The following NUP214 variants were observed in gnomAD, a reference collection of about 807,000 sequenced individuals.
NUP214 encodes nuclear pore complex protein Nup214.
Under a neutral mutation model 196.2 loss-of-function variants are expected in NUP214, and 79 were observed. That is an observed-to-expected ratio of 0.40 (90% CI 0.34 to 0.49). The LOEUF is 0.49. Among genes scored for constraint, NUP214 ranks in the 20% least tolerant of loss-of-function variants. The pLI is 0.58. For missense variants in NUP214, 2,468 were observed against 2,539.0 expected (o/e 0.97, Z 0.60); for synonymous variants, 1,020 against 990.5 (o/e 1.03, Z -0.56).
At chr9:131,227,988 G>GGC (rs1161378069) in intron 32 of NUP214, among the ~76,000 whole-genome samples, 172 bp from the exon 33 acceptor site, 20 of 148,182 alleles carry the variant, frequency 1.3e-4, no homozygotes, top group African/African-American at 4.9e-4. Flanking sequence ...AGAAGGGCGG[G>GGC]GGGGAGGGGG....
chr9:131,222,633 G>A (rs1834593582), intron 31 of NUP214, 145 bp from the exon 32 acceptor site: 2 of 832,272 alleles, frequency 2.4e-6, no homozygotes. Context: ...ACCTGTTGCT[G>A]TCACTGTCGC....
intron 30 of NUP214, among the ~76,000 whole-genome samples, chr9:131,212,875 G>A (rs947725668): frequency 3.9e-5 from 6 of 152,168 alleles, no homozygotes; most frequent in Non-Finnish European, 8.8e-5. Flanking sequence ...GTACTTGGGG[G>A]TAAAGACAAA....
rs530299823 is a variant in NUP214, at chr9:131,161,858, C to T, written c.2541-1133C>T. On this transcript the variant is annotated intron_variant, in intron 18 of 35. Coordinates refer to ENST00000359428, the MANE Select transcript of NUP214 (RefSeq NM_005085.4). Reference sequence around the variant, plus strand: ...TGACATCACCTATTACACACCTAGGCGCTTATGGTGTATAGCCTGTTGCTC... The same window carrying T: ...TGACATCACCTATTACACACCTAGGTGCTTATGGTGTATAGCCTGTTGCTC... Among the ~76,000 whole-genome samples the T allele has an allele frequency of 6.6e-5, 10 of 152,310 alleles. No homozygotes were observed. The South Asian group carries it at 1.7e-3, about 25-fold the overall frequency.
intron 26 of NUP214, chr9:131,191,818 T>G (rs1013372828): frequency 6.5e-6 from 1 of 154,752 alleles, no homozygotes; most frequent in African/African-American, 2.4e-5. Flanking sequence ...AGCTACATTA[T>G]ATATAGTTTT....
At chr9:131,134,379 A>G (rs573367536) in intron 7 of NUP214, among the ~76,000 whole-genome samples, 4 of 152,342 alleles carry the variant, frequency 2.6e-5, no homozygotes, top group South Asian at 4.1e-4. Context: ...AGGGAGGCCA[A>G]TTTGATACTT....
chr9:131,213,805 G>GAAAAA (rs34775627), intron 30 of NUP214, among the ~76,000 whole-genome samples: 1 of 150,730 alleles, frequency 6.6e-6, no homozygotes. Context: ...TTTAAAGGGG[G>GAAAAA]AAAAAAAAGA....
At chr9:131,150,100 G>A (rs1401568696) in intron 14 of NUP214, 2 of 455,608 alleles carry the variant, frequency 4.4e-6, no homozygotes, top group East Asian at 3.3e-5. Flanking sequence ...CCCAGTAGGA[G>A]GTAAGTTCCA....
At chr9:131,216,224 T>C (rs569906238) in intron 31 of NUP214, among the ~76,000 whole-genome samples, 3 of 148,622 alleles carry the variant, frequency 2.0e-5, no homozygotes, top group South Asian at 2.2e-4. Flanking sequence ...TTTTTTTTTT[T>C]TTTTTCTTTT....
Position 131,232,382 on chromosome 9 carries a change from G to A in NUP214, c.6239+74G>A. ...AGGTTGGAAGTGTGTGGATCTTGCT[G>A]GATTTGTGCATTTTCTTTTCGTTTT... On this transcript the variant is annotated intron_variant, in intron 35 of 35. Coordinates refer to ENST00000359428, the MANE Select transcript of NUP214 (RefSeq NM_005085.4). The surrounding 1 kb of genome is among the most constrained non-coding windows in gnomAD (Gnocchi z 5.1). 1.4e-6 allele frequency: 2 copies of A among 1,444,760 alleles called. No individual in the cohort carries two copies. The highest frequency in any genetic ancestry group is 2.0e-6 in the Non-Finnish European group (2 of 1,025,552). 89.5% of individuals were successfully genotyped at this position (1,444,760 alleles called of 1,614,324 possible). A position where few individuals can be genotyped will look rare whatever the true frequency, so the allele number is the denominator to read the frequency against.
intron 30 of NUP214, among the ~76,000 whole-genome samples, chr9:131,214,503 G>T (rs1259439262): frequency 6.6e-6 from 1 of 152,170 alleles, no homozygotes; most frequent in Admixed American, 6.5e-5. Flanking sequence ...GCCACGGAGA[G>T]ATGACACTTA....
At chr9:131,141,023 G>A (rs1021274948) in intron 11 of NUP214, among the ~76,000 whole-genome samples, 1 of 152,018 alleles carries the variant, frequency 6.6e-6, no homozygotes, top group African/African-American at 2.4e-5. Context: ...AAGACATTGT[G>A]CTTAATCATG....
In NUP214 at chr9:131,193,629, C is replaced by CTTTTTTTTTTTTTTTTTTTTTTTTTT. The variant is rs71389402; in HGVS notation, c.3659+1345_3659+1370dup. On this transcript the variant is annotated intron_variant, in intron 27 of 35. Transcript: ENST00000359428. Reference sequence around the variant, plus strand: ...GTGAAATGATATTCTTCTTCCTTTTCTTTTTTTTTTTTTTTTTTTTTTTTT... The same window carrying CTTTTTTTTTTTTTTTTTTTTTTTTTT: ...GTGAAATGATATTCTTCTTCCTTTTCTTTTTTTTTTTTTTTTTTTTTTTTTTTTTTTTTTTTTTTTTTTTTTTTTTT... Among the ~76,000 whole-genome samples, 89 of 28,228 alleles carry CTTTTTTTTTTTTTTTTTTTTTTTTTT rather than the reference C, an allele frequency of 3.2e-3. 38 individuals carry two copies. Among genetic ancestry groups the CTTTTTTTTTTTTTTTTTTTTTTTTTT allele is most frequent in the Admixed American group, 5.6e-3 (7 of 1,258 alleles). The allele number at this position is 28,228 out of a possible 152,430, so 18.5% of individuals were successfully genotyped here. A position where few individuals can be genotyped will look rare whatever the true frequency, so the allele number is the denominator to read the frequency against.
chr9:131,218,194 C>T (rs79394189), intron 31 of NUP214, among the ~76,000 whole-genome samples: 2 of 152,284 alleles, frequency 1.3e-5, no homozygotes, highest in Non-Finnish European at 2.9e-5. Flanking sequence ...AAACACTTAA[C>T]ATTGTATTAT....
At chr9:131,155,593 A>G (rs539356948) in intron 17 of NUP214, among the ~76,000 whole-genome samples, 3 of 152,182 alleles carry the variant, frequency 2.0e-5, no homozygotes, top group Non-Finnish European at 4.4e-5. Context: ...GTTATCTTCT[A>G]GAATTTTTAT....
chr9:131,170,099 AT>A (rs1832912022), intron 21 of NUP214, among the ~76,000 whole-genome samples: 1 of 152,160 alleles, frequency 6.6e-6, no homozygotes, highest in Admixed American at 6.5e-5. Flanking sequence ...GTTATACAAC[AT>A]TAGGAATGTA....
rs1341669104 is a variant in NUP214 at position 131,136,110 on chromosome 9, A to G, written c.1005+104A>G. The G allele has an allele frequency of 5.7e-6, 5 of 876,332 alleles. No individual in the cohort carries two copies. The South Asian group carries it at 7.0e-5, about 12-fold the overall frequency. The allele number at this position is 876,332 out of a possible 1,614,324, so 54.3% of individuals were successfully genotyped here. A position where few individuals can be genotyped will look rare whatever the true frequency, so the allele number is the denominator to read the frequency against. ...GGCTGGAGTGCAGTGGTGCAATTTC[A>G]GCTTACTGCAACCTCTGCCTTCCAA... On this transcript the variant is annotated intron_variant, in intron 9 of 35. Coordinates refer to ENST00000359428, the MANE Select transcript of NUP214 (RefSeq NM_005085.4).
chr9:131,148,869 T>C lies in NUP214; in HGVS notation c.2040+1285T>C, dbSNP rs149059128. 7.7e-4 allele frequency among the ~76,000 whole-genome samples: 117 copies of C among 152,328 alleles called. 2 individuals are homozygous for C. In the East Asian group the frequency reaches 0.022, roughly 29 times the overall value. On this transcript the variant is annotated intron_variant, in intron 14 of 35. Coordinates refer to ENST00000359428, the MANE Select transcript of NUP214 (RefSeq NM_005085.4). ...TTGTCTTTTTTGTTTCTTTGATGAA[T>C]ACACATTCTTCATTTTAATATAATT...
intron 32 of NUP214, among the ~76,000 whole-genome samples, chr9:131,223,369 G>A (rs1256923231): frequency 2.0e-5 from 3 of 152,146 alleles, no homozygotes; most frequent in East Asian, 3.9e-4. Context: ...GTTTCACCAT[G>A]TTGGGCAGTC....
At chr9:131,141,847 G>A (rs1431956075) in intron 11 of NUP214, 3 of 152,036 alleles carry the variant, frequency 2.0e-5, no homozygotes, top group Non-Finnish European at 4.4e-5. Context: ...TTCTCTTTTT[G>A]AATTCTGTGA....
Sources: gnomAD v4.1 joint callset for allele counts (sites outside exome capture counted in the v4.1 genomes callset) on GRCh38, gnomAD v4.1.1 for gene constraint, Gnocchi (gnomAD v3.1) non-coding constraint, MANE v1.5 for transcripts, NCBI Gene and HGNC (gene_info 2026-07-23, HGNC 2026-07-21) for gene names.